The following UNC5B variants were observed in gnomAD, a reference collection of about 807,000 sequenced individuals.
UNC5B encodes the protein unc-5 netrin receptor B.
In UNC5B, 56 loss-of-function variants were observed where a neutral mutation model predicts 103.7. The observed-to-expected ratio is 0.54, with a 90% CI of 0.44 to 0.67. The LOEUF is 0.67. UNC5B is among the 30% of genes least tolerant of loss of function. The pLI is 0.00. For synonymous variants in UNC5B, 577 were observed against 542.0 expected, an observed-to-expected ratio of 1.06 and a Z score of -0.90; for missense variants, 1,194 against 1,284.5, an observed-to-expected ratio of 0.93 and a Z score of 1.08.
intron 1 of UNC5B, among the ~76,000 whole-genome samples, chr10:71,235,085 C>CAGGA (rs1843749753): frequency 1.1e-5 from 1 of 89,438 alleles, no homozygotes; most frequent in Non-Finnish European, 3.0e-5. Context: ...GCTGCCGCTG[C>CAGGA]CTCTGACTCT....
chr10:71,234,956 A>T (rs533095831), intron 1 of UNC5B, among the ~76,000 whole-genome samples: 1 of 152,216 alleles, frequency 6.6e-6, no homozygotes, highest in Admixed American at 6.5e-5. Flanking sequence ...AGCAGGCCAG[A>T]TAGATTCCCA....
chr10:71,243,652 G>A (rs771018674), intron 1 of UNC5B, among the ~76,000 whole-genome samples: 5 of 152,110 alleles, frequency 3.3e-5, no homozygotes, highest in Admixed American at 6.5e-5. Flanking sequence ...GGAAGCCTTC[G>A]CCACCCCCTC....
rs1045824585 is a variant in UNC5B, at chr10:71,295,738, C to G, written c.2176-73C>G. The G allele has an allele frequency of 5.1e-6, 8 of 1,555,916 alleles. No individual in the cohort carries two copies. In the Admixed American group the frequency reaches 7.6e-5, roughly 15 times the overall value. On this transcript the variant is annotated intron_variant, in intron 13 of 16. Transcript: ENST00000335350. ...CTCAGATGGGCCCCTGCCCCCTGCC[C>G]CGCACAGTGCCACAGAAGAGGCCCA...
rs552312702 is a variant in UNC5B at position 71,221,991 on chromosome 10, C to CATG, written c.79+8929_79+8930insGAT. On this transcript the variant is annotated intron_variant, in intron 1 of 16. Transcript: ENST00000335350. ...AGTGCTCAGTGACATTCACTACTGT[C>CATG]ATCATCATCATCATCATCATCATCA... 4.9e-4 allele frequency among the ~76,000 whole-genome samples: 73 copies of CATG among 150,140 alleles called. No individual in the cohort carries two copies. The South Asian group carries it at 0.015, about 30-fold the overall frequency.
chr10:71,262,293 C>T (rs1844431404), intron 1 of UNC5B, among the ~76,000 whole-genome samples: 2 of 151,870 alleles, frequency 1.3e-5, no homozygotes, highest in Admixed American at 1.3e-4. Flanking sequence ...CTAATTATAG[C>T]ATACTGGGTC....
At chr10:71,214,438 TA>T (rs1843293456) in intron 1 of UNC5B, among the ~76,000 whole-genome samples, 1 of 152,148 alleles carries the variant, frequency 6.6e-6, no homozygotes, top group South Asian at 2.1e-4. Flanking sequence ...CTCTGGTATT[TA>T]AAGCAGTGTT....
rs780425795 is a variant in UNC5B, at chr10:71,293,682, C to G, written c.1942-18C>G. ...TGAATAACTGTGACCACTACCCCAC[C>G]CTTGCTGTCCCCTACAGGAGGTGGT... On this transcript the variant is annotated intron_variant, in intron 12 of 16. Transcript: ENST00000335350. 3 of 1,594,870 alleles carry G rather than the reference C, an allele frequency of 1.9e-6. No individual in the cohort carries two copies. Among genetic ancestry groups the G allele is most frequent in the Middle Eastern group, 1.7e-4 (1 of 6,016 alleles).
chr10:71,279,156 G>T (rs1564728415), intron 1 of UNC5B, among the ~76,000 whole-genome samples: 1 of 152,240 alleles, frequency 6.6e-6, no homozygotes, highest in African/African-American at 2.4e-5. Flanking sequence ...AAGAGGCCAA[G>T]GGATGGGTGA....
rs767738042 is a variant in UNC5B, at chr10:71,227,745, CAT to C, written c.79+14683_79+14684del. On this transcript the variant is annotated intron_variant, in intron 1 of 16. Coordinates refer to ENST00000335350, the MANE Select transcript of UNC5B (RefSeq NM_170744.5). ...ACACACACACACACACACACACACA[CAT>C]ACATACCCTAGTCCTAAAGCTGGTA... 1.3e-3 allele frequency among the ~76,000 whole-genome samples: 161 copies of C among 121,254 alleles called. 1 individual carries two copies. Among genetic ancestry groups the C allele is most frequent in the East Asian group, 2.8e-3 (13 of 4,638 alleles). 79.5% of individuals were successfully genotyped at this position (121,254 alleles called of 152,430 possible).
intron 4 of UNC5B, 53 bp from the exon 5 acceptor site, chr10:71,286,636 T>C: frequency 6.2e-7 from 1 of 1,603,256 alleles, no homozygotes; most frequent in Non-Finnish European, 8.5e-7. Context: ...TTCTTCTGTT[T>C]ATGATCAAAC....
chr10:71,252,664 C>T (rs1844199823), intron 1 of UNC5B, among the ~76,000 whole-genome samples: 1 of 152,206 alleles, frequency 6.6e-6, no homozygotes, highest in South Asian at 2.1e-4. Context: ...CATCATTTCT[C>T]CCATCTTATT....
chr10:71,298,162 G>A, intron 16 of UNC5B, 72 bp downstream of exon 16: 1 of 1,504,770 alleles, frequency 6.6e-7, no homozygotes. Flanking sequence ...AGGCAGGGCA[G>A]GCAGCCTGAC....
chr10:71,242,246 G>A (rs371353073), intron 1 of UNC5B, among the ~76,000 whole-genome samples: 2 of 152,128 alleles, frequency 1.3e-5, no homozygotes, highest in East Asian at 1.9e-4. Context: ...ATGTGACCTC[G>A]CCCCACCTCC....
chr10:71,241,568 T>G (rs1357832529), intron 1 of UNC5B, among the ~76,000 whole-genome samples: 2 of 152,080 alleles, frequency 1.3e-5, no homozygotes, highest in Non-Finnish European at 2.9e-5. Flanking sequence ...AGGGGAAATG[T>G]GCTTATCGGG....
At chr10:71,247,101 T>C (rs1844056092) in intron 1 of UNC5B, among the ~76,000 whole-genome samples, 1 of 152,344 alleles carries the variant, frequency 6.6e-6, no homozygotes, top group Middle Eastern at 3.4e-3. Flanking sequence ...ACCCAGGTTG[T>C]TCACTGGGGC....
At position 71,288,938 on chromosome 10, in the gene UNC5B, C is replaced by T; in HGVS notation, c.1067-20C>T. 1 of 1,613,396 alleles carries T rather than the reference C, an allele frequency of 6.2e-7. No individual in the cohort carries two copies. The highest frequency in any genetic ancestry group is 8.5e-7 in the Non-Finnish European group (1 of 1,179,310). ...CCCTGTCACCTATGTCATTGTCTTT[C>T]CCTTTATTTCCCTTGACAGATAAGA... On this transcript the variant is annotated intron_variant, in intron 7 of 16. Transcript: ENST00000335350.
At chr10:71,254,024 A>G (rs546899422) in intron 1 of UNC5B, among the ~76,000 whole-genome samples, 1 of 152,302 alleles carries the variant, frequency 6.6e-6, no homozygotes, top group East Asian at 1.9e-4. Flanking sequence ...CCAACTCAGC[A>G]CAGGGGGAAA....
chr10:71,242,317 C>A (rs534299683), intron 1 of UNC5B, among the ~76,000 whole-genome samples: 1 of 152,218 alleles, frequency 6.6e-6, no homozygotes, highest in Admixed American at 6.5e-5. Context: ...GTGCCCAAAA[C>A]GACATGGCCA....
chr10:71,257,066 G>A (rs1404916319), intron 1 of UNC5B, among the ~76,000 whole-genome samples: 1 of 152,206 alleles, frequency 6.6e-6, no homozygotes, highest in Non-Finnish European at 1.5e-5. Flanking sequence ...AAGGGGTGCA[G>A]CAGCTGGCAT....
Sources: gnomAD v4.1 joint callset for allele counts (sites outside exome capture counted in the v4.1 genomes callset) on GRCh38, gnomAD v4.1.1 for gene constraint, MANE v1.5 for transcripts, NCBI Gene and HGNC (gene_info 2026-07-23, HGNC 2026-07-21) for gene names.